Variants in KIF13B observed in about 807,000 individuals in gnomAD.
The protein encoded by KIF13B is kinesin family member 13B.
A neutral mutation model predicts 222.0 loss-of-function variants in KIF13B; 127 were observed. That is an observed-to-expected ratio of 0.57 (90% CI 0.50 to 0.66). The LOEUF (loss-of-function observed/expected upper bound fraction) is 0.66. Among genes scored for constraint, KIF13B ranks in the 30% least tolerant of loss-of-function variants. The probability of loss-of-function intolerance (pLI) is 0.00; values close to 1 mark genes in which losing one functional copy is unlikely to be tolerated. For synonymous variants in KIF13B, 976 were observed against 919.0 expected, an observed-to-expected ratio of 1.06 and a Z score of -1.12; for missense variants, 2,173 against 2,379.0, an observed-to-expected ratio of 0.91 and a Z score of 1.80.
At chr8:29,100,033 A>G (rs987008748) in intron 35 of KIF13B, among the ~76,000 whole-genome samples, 4 of 152,228 alleles carry the variant, frequency 2.6e-5, no homozygotes, top group Admixed American at 6.5e-5. Flanking sequence ...ATAACAGTAA[A>G]TATTACCAAA....
At position 29,132,391 on chromosome 8, in the gene KIF13B, T is replaced by C. The variant is rs748749542; in HGVS notation, c.2859A>G (p.Gly953=). 3 of 1,595,706 alleles carry C rather than the reference T, an allele frequency of 1.9e-6. No individual in the cohort carries two copies. The highest frequency in any genetic ancestry group is 2.6e-6 in the Non-Finnish European group (3 of 1,170,330). ...TTTTCCGGGGATCGTTTATTTTATG[T>C]CCATATACTTCAATTGCCAATGCTC... The part of the protein sequence containing the change: ...SEGALAIEVY[G]HKINDPRKNP... The change falls in exon 23 of 40, where the codon GGA becomes GGG. Residue 953 remains glycine (G), a synonymous_variant. Coordinates refer to ENST00000524189, the MANE Select transcript of KIF13B (RefSeq NM_015254.4).
Position 29,140,178 on chromosome 8 carries a change from A to T in KIF13B, c.2498T>A (p.Leu833Gln), listed in dbSNP as rs1810750265. The T allele has an allele frequency of 1.2e-6, 2 of 1,613,716 alleles. No homozygotes were observed. Among genetic ancestry groups the T allele is most frequent in the Non-Finnish European group, 1.7e-6 (2 of 1,179,860 alleles). Residue 833 changes from leucine to glutamine, a missense_variant, in exon 21 of 40, where the codon CTG becomes CAG. Leu to Gln is a moderately radical substitution (Grantham distance 113, BLOSUM62 -2). Around this residue, in one of 2 missense-constraint regions of KIF13B, gnomAD observed 1,480 missense variants for 1,722.8 expected, o/e 0.86. Coordinates refer to ENST00000524189, the MANE Select transcript of KIF13B (RefSeq NM_015254.4). ...INQKGEVAGR[L>Q]HVEVMRLSGD... ...ACTGAGTCGCATCACCTCCACGTGC[A>T]GCCGACCTGCCACCTGCAGCAATGA...
At chr8:29,235,899 G>A (rs1002076170) in intron 2 of KIF13B, among the ~76,000 whole-genome samples, 1 of 152,160 alleles carries the variant, frequency 6.6e-6, no homozygotes, top group Non-Finnish European at 1.5e-5. Context: ...AGAATGAAAA[G>A]GAATGCTAGA....
chr8:29,185,079 T>C (rs1297339337), intron 6 of KIF13B, among the ~76,000 whole-genome samples: 2 of 152,044 alleles, frequency 1.3e-5, no homozygotes, highest in African/African-American at 2.4e-5. Flanking sequence ...GATCCTCCCA[T>C]CTTGGCCTCC....
intron 29 of KIF13B, 138 bp downstream of exon 29, chr8:29,122,452 AG>A (rs1388583741): frequency 3.0e-6 from 2 of 676,332 alleles, no homozygotes; most frequent in Non-Finnish European, 5.3e-6. Flanking sequence ...GTCTGCAACC[AG>A]GAGACATGGA....
At chr8:29,151,292 T>C (rs1315498770) in intron 14 of KIF13B, among the ~76,000 whole-genome samples, 2 of 152,098 alleles carry the variant, frequency 1.3e-5, no homozygotes, top group East Asian at 3.9e-4. Context: ...TTCATGAGGT[T>C]TAAGGAAAGA....
At chr8:29,135,462 T>C (rs576736528) in intron 21 of KIF13B, among the ~76,000 whole-genome samples, 1 of 152,312 alleles carries the variant, frequency 6.6e-6, no homozygotes, top group Admixed American at 6.5e-5. Context: ...TATAACTGAT[T>C]AAACCAATTT....
At position 29,180,195 on chromosome 8, in the gene KIF13B, A is replaced by C; in HGVS notation, c.629T>G (p.Val210Gly). 1 of 1,613,986 alleles carries C rather than the reference A, an allele frequency of 6.2e-7. No individual in the cohort carries two copies. The highest frequency in any genetic ancestry group is 8.5e-7 in the Non-Finnish European group (1 of 1,179,874). Residue 210 changes from valine to glycine, a missense_variant, in exon 8 of 40, where the codon GTT becomes GGT. Coordinates refer to ENST00000524189, the MANE Select transcript of KIF13B (RefSeq NM_015254.4). ...CTCCTCGTTCATGTTGGTTGCAGCA[A>C]CTGTGCGAGATTTGTTACCCTCAGA... is the stretch of plus-strand genomic sequence containing the variant. ...LMSEGNKSRTVAATNMNEESS... is the reference protein window; with the variant it reads ...LMSEGNKSRTGAATNMNEESS...
At chr8:29,166,178 C>T (rs1380633272) in intron 11 of KIF13B, among the ~76,000 whole-genome samples, 1 of 152,152 alleles carries the variant, frequency 6.6e-6, no homozygotes, top group African/African-American at 2.4e-5. Flanking sequence ...GTACATGTTG[C>T]AGACTGGATG....
chr8:29,123,329 C>T (rs370518389), intron 28 of KIF13B, 37 bp downstream of exon 28: 10 of 1,604,962 alleles, frequency 6.2e-6, no homozygotes, highest in Middle Eastern at 1.7e-4. Context: ...GCTTGGTGAG[C>T]GTTCAGACCT....
chr8:29,103,414 G>A lies in KIF13B; in HGVS notation c.4216-4173C>T, dbSNP rs117309719. 9.2e-3 allele frequency among the ~76,000 whole-genome samples: 1,396 copies of A among 152,258 alleles called. 10 individuals are homozygous for A. Among genetic ancestry groups the A allele is most frequent in the Admixed American group, 0.014 (210 of 15,296 alleles). On this transcript the variant is annotated intron_variant, in intron 35 of 39. Coordinates refer to ENST00000524189, the MANE Select transcript of KIF13B (RefSeq NM_015254.4). ...CAACTTCAGCCGGTCTTGGCAGACA[G>A]TCATAAAAAGCCTGCTAAGGTTTCA...
chr8:29,203,695 A>T (rs1213088564), intron 2 of KIF13B, among the ~76,000 whole-genome samples: 1 of 152,136 alleles, frequency 6.6e-6, no homozygotes, highest in East Asian at 1.9e-4. Flanking sequence ...GTTCGAGACC[A>T]GCCTGGCCAA....
chr8:29,181,624 C>A (rs1310615579), intron 7 of KIF13B, among the ~76,000 whole-genome samples: 1 of 152,082 alleles, frequency 6.6e-6, no homozygotes, highest in African/African-American at 2.4e-5. Flanking sequence ...TAAGTAGGCC[C>A]CAGAATGGGA....
chr8:29,165,922 T>TACCTCGATTGTAGATCGAAGA, intron 11 of KIF13B, 150 bp from the exon 12 acceptor site: 1 of 634,578 alleles, frequency 1.6e-6, no homozygotes, highest in Non-Finnish European at 2.7e-6. Flanking sequence ...TAGATCGAAG[T>TACCTCGATTGTAGATCGAAGA]ACCTCGATTG....
At chr8:29,165,904 T>TTCGACTGTATATCGAAGTACC in intron 11 of KIF13B, 132 bp from the exon 12 acceptor site, 1 of 567,658 alleles carries the variant, frequency 1.8e-6, no homozygotes, top group Non-Finnish European at 3.1e-6. Context: ...TGACATCTAC[T>TTCGACTGTATATCGAAGTACC]TCGATTGTAG....
Position 29,071,503 on chromosome 8 carries a change from C to G in KIF13B, c.5218+117G>C. On this transcript the variant is annotated intron_variant, in intron 39 of 39. Coordinates refer to ENST00000524189, the MANE Select transcript of KIF13B (RefSeq NM_015254.4). The surrounding 1 kb of genome is among the most constrained non-coding windows in gnomAD (Gnocchi z 4.9). ...GCCGCTCCCGCAGCTTCAGCCAAGC[C>G]GCTGCCTCCCGGCCCCTCCCTCTCC... The G allele has an allele frequency of 3.3e-6, 3 of 920,694 alleles. No individual in the cohort carries two copies. The highest frequency in any genetic ancestry group is 4.9e-6 in the Non-Finnish European group (3 of 606,848). 57.0% of individuals were successfully genotyped at this position (920,694 alleles called of 1,614,324 possible).
At chr8:29,106,975 G>A (rs948014834) in intron 35 of KIF13B, among the ~76,000 whole-genome samples, 1 of 152,164 alleles carries the variant, frequency 6.6e-6, no homozygotes, top group Admixed American at 6.5e-5. Flanking sequence ...CCCCTCAAAA[G>A]TGACAGGCAC....
Position 29,191,114 on chromosome 8 carries a change from A to G in KIF13B, c.163-57T>C. 2.3e-6 allele frequency: 3 copies of G among 1,288,106 alleles called. 1 individual carries two copies. The highest frequency in any genetic ancestry group is 2.7e-5 in the South Asian group (2 of 75,092). The allele number at this position is 1,288,106 out of a possible 1,614,324, so 79.8% of individuals were successfully genotyped here. Reference sequence around the variant, plus strand: ...AAAACCTCAACATTACTTATAAACCATAACTGATAGAACTGTTCATAATAG... The same window carrying G: ...AAAACCTCAACATTACTTATAAACCGTAACTGATAGAACTGTTCATAATAG... On this transcript the variant is annotated intron_variant, in intron 3 of 39. Transcript: ENST00000524189.
At chr8:29,145,742 G>A (rs953042460) in intron 18 of KIF13B, 1 of 135,780 alleles carries the variant, frequency 7.4e-6, no homozygotes, top group Non-Finnish European at 1.5e-5. Context: ...CATCTGAATA[G>A]AAAATTCTAC....
Sources: gnomAD v4.1 joint callset for allele counts (sites outside exome capture counted in the v4.1 genomes callset) on GRCh38, gnomAD v4.1.1 for gene constraint, gnomAD v4.1.1 regional missense constraint, Gnocchi (gnomAD v3.1) non-coding constraint, MANE v1.5 for transcripts, NCBI Gene and HGNC (gene_info 2026-07-23, HGNC 2026-07-21) for gene names.